Variants in RIMS1 observed in about 807,000 individuals in gnomAD.
RIMS1 encodes the protein regulating synaptic membrane exocytosis 1.
In RIMS1, 83 loss-of-function variants were observed where a neutral mutation model predicts 214.1. The observed-to-expected ratio is 0.39, with a 90% CI of 0.32 to 0.47. The LOEUF is 0.47. Among genes scored for constraint, RIMS1 ranks in the 20% least tolerant of loss-of-function variants. The pLI is 0.99. For missense variants in RIMS1, 2,050 were observed against 2,161.8 expected, an observed-to-expected ratio of 0.95 and a Z score of 1.03; for synonymous variants, 793 against 786.8, an observed-to-expected ratio of 1.01 and a Z score of -0.13.
rs557685336 is a variant in RIMS1, at chr6:72,398,980, G to A, written c.4746G>A (p.Leu1582=). 2 of 1,602,658 alleles carry A rather than the reference G, an allele frequency of 1.2e-6. No homozygotes were observed. The highest frequency in any genetic ancestry group is 4.5e-5 in the East Asian group (2 of 44,688). Residue 1582 remains leucine, a synonymous_variant, in exon 33 of 34, where the codon TTG becomes TTA. Coordinates refer to ENST00000521978, the MANE Select transcript of RIMS1 (RefSeq NM_014989.7). ...CTCCATATGTCAAAGTATATCTTTT[G>A]GAAAATGGGGCCTGTATAGCCAAGA... The part of the protein sequence containing the change: ...TPAPYVKVYL[L]ENGACIAKKK...
At chr6:72,231,881 T>G (rs2062102413) in intron 6 of RIMS1, among the ~76,000 whole-genome samples, 1 of 151,662 alleles carries the variant, frequency 6.6e-6, no homozygotes, top group Admixed American at 6.6e-5. Context: ...ATTTATAATA[T>G]TAATAGATTT....
chr6:72,155,000 C>A lies in RIMS1; in HGVS notation c.472-24575C>A, dbSNP rs573823004. Reference sequence around the variant, plus strand: ...CCATGGATTCTATCAGGAAGCCTGACAATGAACTCCTCTCATGTTGACACC... The same window carrying A: ...CCATGGATTCTATCAGGAAGCCTGAAAATGAACTCCTCTCATGTTGACACC... On this transcript the variant is annotated intron_variant, in intron 4 of 33. Transcript: ENST00000521978. 5.0e-5 allele frequency among the ~76,000 whole-genome samples: 7 copies of A among 140,236 alleles called. 1 individual carries two copies. The South Asian group carries it at 1.7e-3, about 33-fold the overall frequency. 92.0% of individuals were successfully genotyped at this position (140,236 alleles called of 152,430 possible). A position where few individuals can be genotyped will look rare whatever the true frequency, so the allele number is the denominator to read the frequency against.
intron 29 of RIMS1, among the ~76,000 whole-genome samples, chr6:72,338,849 AAGAGAGAGAGAGAGAGAG>A (rs59731805): frequency 7.2e-5 from 10 of 138,756 alleles, no homozygotes; most frequent in African/African-American, 2.7e-4. Context: ...CCAACTTGTG[AAGAGAGAGAGAGAGAGAG>A]AGAGAGAGAG....
At chr6:72,339,578 T>C (rs1169778179) in intron 29 of RIMS1, among the ~76,000 whole-genome samples, 1 of 152,044 alleles carries the variant, frequency 6.6e-6, no homozygotes, top group Non-Finnish European at 1.5e-5. Context: ...AATGATGCTT[T>C]CCAGCTTCAT....
chr6:72,388,606 A>C (rs903691413), intron 29 of RIMS1, among the ~76,000 whole-genome samples: 1 of 152,208 alleles, frequency 6.6e-6, no homozygotes, highest in African/African-American at 2.4e-5. Flanking sequence ...CTGTACGGGT[A>C]TGGCACTGCT....
chr6:72,183,082 C>A lies in RIMS1; in HGVS notation c.1611C>A (p.Gly537=). The change falls in exon 6 of 34, where the codon GGC becomes GGA. Residue 537 remains glycine (G), a synonymous_variant. Transcript: ENST00000521978. ...QMSVSSSEEE[G]VSTPEYTSCE... is the part of the protein sequence containing the mutation. ...CGGTGAGCAGCTCTGAGGAGGAGGG[C>A]GTGTCGACGCCCGAGTACACCAGCT... 1 of 1,591,852 alleles carries A rather than the reference C, an allele frequency of 6.3e-7. No homozygotes were observed. Among genetic ancestry groups the A allele is most frequent in the Non-Finnish European group, 8.5e-7 (1 of 1,170,254 alleles).
intron 1 of RIMS1, among the ~76,000 whole-genome samples, chr6:71,907,040 T>G (rs941190033): frequency 8.5e-5 from 13 of 152,316 alleles, no homozygotes; most frequent in Non-Finnish European, 1.8e-4. Flanking sequence ...AGAAGACTCT[T>G]ATTCATTGTA....
intron 13 of RIMS1, 76 bp downstream of exon 13, chr6:72,250,536 G>GT: frequency 9.1e-7 from 1 of 1,102,308 alleles, no homozygotes; most frequent in Non-Finnish European, 1.3e-6. Flanking sequence ...CTTTTGGGAT[G>GT]TTTTTAAAAA....
rs986107792 is a variant in RIMS1, at chr6:72,401,240, C to A, written c.*526C>A. 2 of 153,216 alleles carry A rather than the reference C, an allele frequency of 1.3e-5. No individual in the cohort carries two copies. The highest frequency in any genetic ancestry group is 4.8e-5 in the African/African-American group (2 of 41,312). 9.5% of individuals were successfully genotyped at this position (153,216 alleles called of 1,614,324 possible). A position where few individuals can be genotyped will look rare whatever the true frequency, so the allele number is the denominator to read the frequency against. ...TCCACTAGTTTTTTTTTGGCTGTGT[C>A]ATGACAGGCCTCATGATGCTAACAG... is the stretch of plus-strand genomic sequence containing the variant. On this transcript the variant is annotated 3_prime_UTR_variant, in exon 34 of 34. Coordinates refer to ENST00000521978, the MANE Select transcript of RIMS1 (RefSeq NM_014989.7).
intron 6 of RIMS1, among the ~76,000 whole-genome samples, chr6:72,197,043 A>C (rs1033002593): frequency 5.3e-5 from 8 of 152,254 alleles, no homozygotes; most frequent in African/African-American, 1.4e-4. Context: ...GTAAATATCA[A>C]GAAGCAATTC....
chr6:72,372,334 C>T (rs984548702), intron 29 of RIMS1, among the ~76,000 whole-genome samples: 22 of 152,156 alleles, frequency 1.4e-4, no homozygotes, highest in African/African-American at 5.1e-4. Context: ...CATCATTTCT[C>T]ATCAAAATTG....
chr6:72,022,974 G>A (rs1815196964), intron 2 of RIMS1, among the ~76,000 whole-genome samples: 1 of 152,136 alleles, frequency 6.6e-6, no homozygotes, highest in Non-Finnish European at 1.5e-5. Context: ...ACACATAAAT[G>A]TACAGATTTT....
At chr6:72,390,520 G>A in intron 29 of RIMS1, 78 bp from the exon 30 acceptor site, 1 of 1,378,444 alleles carries the variant, frequency 7.3e-7, no homozygotes, top group Non-Finnish European at 1.0e-6. Context: ...ATTAACTATT[G>A]TATTTGCAGG....
chr6:72,320,031 G>T (rs964259348), intron 28 of RIMS1, among the ~76,000 whole-genome samples: 1 of 152,024 alleles, frequency 6.6e-6, no homozygotes, highest in African/African-American at 2.4e-5. Flanking sequence ...TCTGAGAGAC[G>T]GCTAACACAT....
At chr6:71,926,650 C>A (rs1781656947) in intron 1 of RIMS1, among the ~76,000 whole-genome samples, 1 of 151,690 alleles carries the variant, frequency 6.6e-6, no homozygotes, top group Admixed American at 6.6e-5. Flanking sequence ...TGGTTGATAC[C>A]CGTCAATTAA....
Position 72,400,899 on chromosome 6 carries a change from A to G in RIMS1, c.*185A>G. 1.8e-6 allele frequency: 1 copy of G among 552,820 alleles called. No homozygotes were observed. 34.2% of individuals were successfully genotyped at this position (552,820 alleles called of 1,614,324 possible). ...TGGCTTCATATGACAGAACAAGGCA[A>G]TCTATCAAATTTACAGGAAGAATCA... On this transcript the variant is annotated 3_prime_UTR_variant, in exon 34 of 34. Coordinates refer to ENST00000521978, the MANE Select transcript of RIMS1 (RefSeq NM_014989.7).
chr6:71,887,236 C>T, intron 1 of RIMS1, 49 bp downstream of exon 1: 1 of 1,564,766 alleles, frequency 6.4e-7, no homozygotes, highest in South Asian at 1.2e-5. Context: ...CTCCATCCGT[C>T]CATTCACCAC....
intron 2 of RIMS1, among the ~76,000 whole-genome samples, chr6:72,090,997 C>T (rs1448915595): frequency 1.3e-5 from 2 of 152,094 alleles, no homozygotes; most frequent in Non-Finnish European, 2.9e-5. Context: ...CTAAGGTTGA[C>T]GAAGGGAACG....
chr6:72,397,128 C>A (rs17747992), intron 31 of RIMS1, among the ~76,000 whole-genome samples: 13,076 of 152,096 alleles, frequency 0.086, 712 homozygotes, highest in East Asian at 0.13. Flanking sequence ...GCTGAAAAAA[C>A]CTGAGTAGAA....
Sources: allele counts gnomAD v4.1 joint callset (sites outside exome capture counted in the v4.1 genomes callset), GRCh38; gene constraint gnomAD v4.1.1; transcripts MANE v1.5; gene names NCBI Gene and HGNC (gene_info 2026-07-23, HGNC 2026-07-21).